SSBP2: variants seen among roughly 807,000 people sequenced by gnomAD.
SSBP2 encodes the protein single stranded DNA binding protein 2, also known as single-stranded DNA-binding protein 2.
Under a neutral mutation model 61.8 loss-of-function variants are expected in SSBP2, and 17 were observed. The ratio of observed to expected loss-of-function variants is 0.28; its 90% CI spans 0.19 to 0.41. The LOEUF (loss-of-function observed/expected upper bound fraction) is 0.41, where lower values mean the gene tolerates loss of function less well. Ranked by LOEUF, SSBP2 falls within the 10% of genes least tolerant of loss-of-function variation. The probability of loss-of-function intolerance (pLI) is 1.00; values close to 1 mark genes in which losing one functional copy is unlikely to be tolerated. For synonymous variants in SSBP2, 139 were observed against 141.3 expected, an observed-to-expected ratio of 0.98 and a Z score of 0.12; for missense variants, 310 against 458.7, an observed-to-expected ratio of 0.68 and a Z score of 2.96.
intron 2 of SSBP2, among the ~76,000 whole-genome samples, chr5:81,649,731 C>G (rs1749570698): frequency 6.6e-6 from 1 of 151,096 alleles, no homozygotes; most frequent in Non-Finnish European, 1.5e-5. Flanking sequence ...CATAATATGC[C>G]CATGTAACAA....
intron 1 of SSBP2, among the ~76,000 whole-genome samples, chr5:81,682,110 G>A (rs1752431538): frequency 6.6e-6 from 1 of 152,132 alleles, no homozygotes; most frequent in Non-Finnish European, 1.5e-5. Flanking sequence ...CCAGATGTGT[G>A]GGCTGGCGAA....
At chr5:81,541,526 T>C (rs947442562) in intron 4 of SSBP2, among the ~76,000 whole-genome samples, 16 of 151,736 alleles carry the variant, frequency 1.1e-4, no homozygotes, top group Admixed American at 9.2e-4. Context: ...AACTATACTA[T>C]AAGGCTACAA....
At chr5:81,542,819 C>CTCTG (rs1008939091) in intron 4 of SSBP2, among the ~76,000 whole-genome samples, 1 of 118,788 alleles carries the variant, frequency 8.4e-6, no homozygotes, top group African/African-American at 3.4e-5. Flanking sequence ...TTGACAGTTT[C>CTCTG]TCTCTCTCTC....
At chr5:81,494,550 T>C (rs1223098673) in intron 5 of SSBP2, among the ~76,000 whole-genome samples, 1 of 152,188 alleles carries the variant, frequency 6.6e-6, no homozygotes, top group Non-Finnish European at 1.5e-5. Context: ...AGAGAGATGA[T>C]CTCTTTCCTT....
At chr5:81,751,258 C>T (rs554235230), upstream of SSBP2, 2 of 590,912 alleles carry the variant, frequency 3.4e-6, no homozygotes, top group South Asian at 2.0e-5. Flanking sequence ...TAAGCCTCAG[C>T]GGCAGTCTCC....
At chr5:81,695,083 C>T (rs1753502806) in intron 1 of SSBP2, among the ~76,000 whole-genome samples, 1 of 152,148 alleles carries the variant, frequency 6.6e-6, no homozygotes, top group South Asian at 2.1e-4. Context: ...TTCAAAGGAA[C>T]ATATTTTAAA....
chr5:81,506,639 A>T (rs1317174723), intron 5 of SSBP2, among the ~76,000 whole-genome samples: 1 of 152,190 alleles, frequency 6.6e-6, no homozygotes, highest in Non-Finnish European at 1.5e-5. Flanking sequence ...TAATGCCAAG[A>T]CTAATAACAG....
chr5:81,587,928 T>C (rs1438765524), intron 4 of SSBP2, among the ~76,000 whole-genome samples: 1 of 152,122 alleles, frequency 6.6e-6, no homozygotes, highest in Non-Finnish European at 1.5e-5. Context: ...TGCCACTATC[T>C]TAGTGCAAAA....
chr5:81,736,323 T>C (rs1756625199), intron 1 of SSBP2, among the ~76,000 whole-genome samples: 2 of 152,322 alleles, frequency 1.3e-5, no homozygotes, highest in African/African-American at 4.8e-5. Context: ...CACTGCCTTA[T>C]ACAGTGCCTG....
intron 1 of SSBP2, among the ~76,000 whole-genome samples, chr5:81,728,041 A>C (rs898516940): frequency 3.3e-5 from 5 of 152,202 alleles, no homozygotes; most frequent in South Asian, 2.1e-4. Context: ...GACTGAAAGA[A>C]GGCTATGGGG....
chr5:81,579,503 C>T (rs1774483273), intron 4 of SSBP2, among the ~76,000 whole-genome samples: 1 of 152,022 alleles, frequency 6.6e-6, no homozygotes, highest in African/African-American at 2.4e-5. Flanking sequence ...AAGGACAGAT[C>T]ACATCACCAA....
intron 2 of SSBP2, among the ~76,000 whole-genome samples, chr5:81,645,883 G>A (rs530926245): frequency 6.6e-6 from 1 of 152,208 alleles, no homozygotes; most frequent in African/African-American, 2.4e-5. Context: ...GTAACACTGA[G>A]CTAGTTGGCA....
At chr5:81,731,268 C>G (rs1415582834) in intron 1 of SSBP2, among the ~76,000 whole-genome samples, 4 of 152,070 alleles carry the variant, frequency 2.6e-5, no homozygotes, top group Non-Finnish European at 4.4e-5. Flanking sequence ...TAACAGTTTA[C>G]TAAGAAATTA....
chr5:81,609,258 G>A (rs1745200976), intron 4 of SSBP2, among the ~76,000 whole-genome samples: 1 of 152,140 alleles, frequency 6.6e-6, no homozygotes, highest in Non-Finnish European at 1.5e-5. Flanking sequence ...TTCTACTCTA[G>A]TTAAACAGCT....
chr5:81,488,051 AT>A (rs1766552152), intron 6 of SSBP2, among the ~76,000 whole-genome samples: 1 of 55,000 alleles, frequency 1.8e-5, no homozygotes, highest in Non-Finnish European at 3.2e-5. Context: ...ATATATATAT[AT>A]ATATATAAAT....
At chr5:81,629,406 T>C (rs1747481287) in intron 3 of SSBP2, among the ~76,000 whole-genome samples, 2 of 152,266 alleles carry the variant, frequency 1.3e-5, no homozygotes, top group South Asian at 4.1e-4. Flanking sequence ...TAAGCAGGAC[T>C]TCATAATCTG....
At chr5:81,508,698 T>G (rs991502832) in intron 5 of SSBP2, among the ~76,000 whole-genome samples, 1 of 152,204 alleles carries the variant, frequency 6.6e-6, no homozygotes, top group Non-Finnish European at 1.5e-5. Flanking sequence ...TCATTCCACT[T>G]GGTAATGAAT....
chr5:81,430,984 G>A (rs756333997), intron 15 of SSBP2, among the ~76,000 whole-genome samples: 7 of 152,118 alleles, frequency 4.6e-5, no homozygotes, highest in Non-Finnish European at 7.3e-5. Flanking sequence ...TGTGCTGTCC[G>A]TAATCGCTGA....
At chr5:81,546,753 G>A (rs1437892413) in intron 4 of SSBP2, among the ~76,000 whole-genome samples, 1 of 151,662 alleles carries the variant, frequency 6.6e-6, no homozygotes, top group Non-Finnish European at 1.5e-5. Flanking sequence ...ACAGGCTACT[G>A]GAGAACAGAA....
Sources: gnomAD v4.1 joint callset for allele counts (sites outside exome capture counted in the v4.1 genomes callset) on GRCh38, gnomAD v4.1.1 for gene constraint, MANE v1.5 for transcripts, NCBI Gene and HGNC (gene_info 2026-07-23, HGNC 2026-07-21) for gene names.